Variants in PCDHGA10 observed in about 807,000 individuals in gnomAD.
PCDHGA10 encodes the protein protocadherin gamma-A10.
A neutral mutation model predicts 59.5 loss-of-function variants in PCDHGA10; 42 were observed. The observed-to-expected ratio is 0.71, with a 90% CI of 0.55 to 0.91. The LOEUF (loss-of-function observed/expected upper bound fraction) is 0.91. Among genes scored for constraint, PCDHGA10 ranks in the 40% least tolerant of loss-of-function variants. The probability of loss-of-function intolerance (pLI) is 0.00; values close to 1 mark genes in which losing one functional copy is unlikely to be tolerated. For missense variants in PCDHGA10, 1,111 were observed against 1,198.2 expected (o/e 0.93, Z 1.07); for synonymous variants, 511 against 517.2 (o/e 0.99, Z 0.16).
chr5:141,415,577 C>G lies in PCDHGA10; in HGVS notation c.2402C>G (p.Ser801Trp), dbSNP rs776744277. The G allele has an allele frequency of 2.5e-6, 4 of 1,613,744 alleles. No individual in the cohort carries two copies. The highest frequency in any genetic ancestry group is 2.2e-5 in the South Asian group (2 of 91,084). The change falls in exon 1 of 4, where the codon TCG becomes TGG. Residue 801 changes from serine to tryptophan, a missense_variant. Coordinates refer to ENST00000398610, the MANE Select transcript of PCDHGA10 (RefSeq NM_018913.3). ...KNDPLSLLDDSKFPIEDTPLV... is the reference protein window; with the variant it reads ...KNDPLSLLDDWKFPIEDTPLV... ...GATCCTTTGTCTTTGTTAGATGATT[C>G]GAAGTTTCCTATAGAGGATACCCCA...
chr5:141,456,800 TA>T (rs1038857337), intron 1 of PCDHGA10, among the ~76,000 whole-genome samples: 2 of 151,846 alleles, frequency 1.3e-5, no homozygotes, highest in African/African-American at 4.8e-5. Flanking sequence ...CCATCTCTAC[TA>T]AAAATACAAA....
intron 1 of PCDHGA10, chr5:141,433,201 CTTCT>C (rs759014851): frequency 3.9e-5 from 61 of 1,573,466 alleles, no homozygotes; most frequent in Admixed American, 1.2e-4. Flanking sequence ...TATATCAAAT[CTTCT>C]TTCTTTTTTT....
Position 141,485,294 on chromosome 5 carries a change from G to A in PCDHGA10, c.2437-9513G>A, listed in dbSNP as rs2099611126. Reference sequence around the variant, plus strand: ...CTACCCGGTCCCAGAGGAGTCACAGGAAGGGACTTTTGTAGGGAATGTCGC... The same window carrying A: ...CTACCCGGTCCCAGAGGAGTCACAGAAAGGGACTTTTGTAGGGAATGTCGC... On this transcript the variant is annotated intron_variant, in intron 1 of 3. Coordinates refer to ENST00000398610, the MANE Select transcript of PCDHGA10 (RefSeq NM_018913.3). The surrounding 1 kb of genome is among the most constrained non-coding windows in gnomAD (Gnocchi z 5.7). The A allele has an allele frequency of 6.2e-7, 1 of 1,614,044 alleles. No homozygotes were observed. Among genetic ancestry groups the A allele is most frequent in the Non-Finnish European group, 8.5e-7 (1 of 1,179,988 alleles).
In PCDHGA10 at chr5:141,485,433, A is replaced by G. The variant is rs2099613324; in HGVS notation, c.2437-9374A>G. On this transcript the variant is annotated intron_variant, in intron 1 of 3. Transcript: ENST00000398610. The surrounding 1 kb of genome is among the most constrained non-coding windows in gnomAD (Gnocchi z 5.7). The stretch of plus-strand genomic sequence containing the variant: ...TTGGACAGCGGAGCCCTGCTCATCA[A>G]GAACCCAATCGACCGAGAGGCACTG... 6 of 1,614,208 alleles carry G rather than the reference A, an allele frequency of 3.7e-6. No homozygotes were observed. Among genetic ancestry groups the G allele is most frequent in the Non-Finnish European group, 5.1e-6 (6 of 1,180,030 alleles).
intron 1 of PCDHGA10, among the ~76,000 whole-genome samples, chr5:141,474,143 TATC>T (rs1371874237): frequency 1.3e-5 from 2 of 152,188 alleles, no homozygotes; most frequent in Non-Finnish European, 2.9e-5. Context: ...CAGGCCTTAT[TATC>T]AAGAAAATGA....
Position 141,495,110 on chromosome 5 carries a change from T to C in PCDHGA10, c.2495+245T>C, listed in dbSNP as rs74534116. Among the ~76,000 whole-genome samples the C allele has an allele frequency of 3.9e-3, 595 of 152,212 alleles. 3 individuals carry two copies. The highest frequency in any genetic ancestry group is 0.013 in the African/African-American group (538 of 41,532). On this transcript the variant is annotated intron_variant, in intron 2 of 3. Coordinates refer to ENST00000398610, the MANE Select transcript of PCDHGA10 (RefSeq NM_018913.3). The stretch of plus-strand genomic sequence containing the variant: ...TTCCCTCCTCGCCACGACCGGCACC[T>C]TTTCCTATCCCCTGAGGGCACTGTG...
rs61612330 is a variant in PCDHGA10 at position 141,454,796 on chromosome 5, A to ATTTTTTTTTTTTTTTT, written c.2436+39199_2436+39214dup. Among the ~76,000 whole-genome samples the ATTTTTTTTTTTTTTTT allele has an allele frequency of 1.2e-3, 96 of 77,456 alleles. 8 individuals are homozygous for ATTTTTTTTTTTTTTTT. The highest frequency in any genetic ancestry group is 2.0e-3 in the South Asian group (4 of 1,960). 50.8% of individuals were successfully genotyped at this position (77,456 alleles called of 152,430 possible). A position where few individuals can be genotyped will look rare whatever the true frequency, so the allele number is the denominator to read the frequency against. ...AAGGAAATAATCCTCCATGGTTCTA[A>ATTTTTTTTTTTTTTTT]TTTTTTTTTTTTTTTTTTTTTTTTT... On this transcript the variant is annotated intron_variant, in intron 1 of 3. Coordinates refer to ENST00000398610, the MANE Select transcript of PCDHGA10 (RefSeq NM_018913.3).
rs149553852 is a variant in PCDHGA10 at position 141,415,009 on chromosome 5, C to G, written c.1834C>G (p.Leu612Val). 3.1e-6 allele frequency: 5 copies of G among 1,613,544 alleles called. No homozygotes were observed. The East Asian group carries it at 1.1e-4, about 36-fold the overall frequency. Residue 612 changes from leucine (L) to valine (V), a missense_variant, in exon 1 of 4, where the codon CTG becomes GTG. Leu to Val is a conservative substitution (Grantham distance 32, BLOSUM62 1). Transcript: ENST00000398610. ...SGQNAWLSYR[L>V]LKASEPGLFA... The stretch of plus-strand genomic sequence containing the variant: ...CCAGAACGCCTGGCTGTCCTACCGT[C>G]TGCTCAAGGCCAGCGAGCCGGGACT...
chr5:141,419,122 C>T (rs1418298635), intron 1 of PCDHGA10: 2 of 1,613,862 alleles, frequency 1.2e-6, no homozygotes, highest in African/African-American at 1.3e-5. Flanking sequence ...ACAACGTCAC[C>T]ATCGCAGCCA....
In PCDHGA10 at chr5:141,432,512, G is replaced by A. The variant is rs751785850; in HGVS notation, c.2436+16901G>A. ...GCTGGCTCCCCGCTCCGCAGAGCCC[G>A]GCTACCTGGTGACCAAGGTGGTGGC... On this transcript the variant is annotated intron_variant, in intron 1 of 3. Transcript: ENST00000398610. The surrounding 1 kb of genome is among the most constrained non-coding windows in gnomAD (Gnocchi z 6.0). 3 of 1,614,108 alleles carry A rather than the reference G, an allele frequency of 1.9e-6. No homozygotes were observed. Among genetic ancestry groups the A allele is most frequent in the Non-Finnish European group, 2.5e-6 (3 of 1,180,030 alleles).
intron 1 of PCDHGA10, chr5:141,422,103 A>C: frequency 6.2e-7 from 1 of 1,608,206 alleles, no homozygotes; most frequent in Admixed American, 1.7e-5. Context: ...CTTCTGAAAT[A>C]TTCCAATTGG....
chr5:141,459,084 A>T (rs2098960410), intron 1 of PCDHGA10, among the ~76,000 whole-genome samples: 2 of 152,204 alleles, frequency 1.3e-5, no homozygotes, highest in Non-Finnish European at 2.9e-5. Flanking sequence ...TGCCTTTTAA[A>T]ATTATACAGT....
At chr5:141,458,064 C>T (rs886724551) in intron 1 of PCDHGA10, among the ~76,000 whole-genome samples, 14 of 152,104 alleles carry the variant, frequency 9.2e-5, no homozygotes, top group East Asian at 3.9e-4. Context: ...TGCACTGATG[C>T]GAACAACTAT....
intron 1 of PCDHGA10, chr5:141,421,851 T>G: frequency 6.2e-7 from 1 of 1,613,714 alleles, no homozygotes; most frequent in East Asian, 2.2e-5. Context: ...AAGAGGCTGC[T>G]CACCTGCTCC....
chr5:141,491,817 G>T lies in PCDHGA10; in HGVS notation c.2437-2990G>T. On this transcript the variant is annotated intron_variant, in intron 1 of 3. Transcript: ENST00000398610. The surrounding 1 kb of genome is among the most constrained non-coding windows in gnomAD (Gnocchi z 6.9). ...TCTCCGGCCGGCTTGGTCGCTGGCT[G>T]CGCTCCACCCGATTCTCGGGATCAT... 1.3e-6 allele frequency: 2 copies of T among 1,484,188 alleles called. No homozygotes were observed. The highest frequency in any genetic ancestry group is 1.8e-6 in the Non-Finnish European group (2 of 1,117,664). 91.9% of individuals were successfully genotyped at this position (1,484,188 alleles called of 1,614,324 possible).
At chr5:141,510,334 C>G (rs1463634534) in intron 3 of PCDHGA10, among the ~76,000 whole-genome samples, 1 of 151,448 alleles carries the variant, frequency 6.6e-6, no homozygotes, top group African/African-American at 2.4e-5. Context: ...TCTTCACCCC[C>G]ACCCCACACA....
At chr5:141,483,084 CA>C (rs898059463) in intron 1 of PCDHGA10, among the ~76,000 whole-genome samples, 4 of 150,440 alleles carry the variant, frequency 2.7e-5, no homozygotes, top group Middle Eastern at 3.4e-3. Flanking sequence ...GACTCCATCT[CA>C]AAAAAAAAGT....
At chr5:141,427,249 G>A (rs1417336994) in intron 1 of PCDHGA10, 1 of 456,742 alleles carries the variant, frequency 2.2e-6, no homozygotes, top group African/African-American at 2.0e-5. Context: ...GCTAAGGATG[G>A]TGGAGGCATG....
intron 1 of PCDHGA10, chr5:141,422,717 T>A: frequency 6.2e-7 from 1 of 1,604,832 alleles, no homozygotes; most frequent in Non-Finnish European, 8.5e-7. Flanking sequence ...GATGACACTG[T>A]CCAGGGGGTG....
Sources: gnomAD v4.1 joint callset for allele counts (sites outside exome capture counted in the v4.1 genomes callset) on GRCh38, gnomAD v4.1.1 for gene constraint, Gnocchi (gnomAD v3.1) non-coding constraint, MANE v1.5 for transcripts, NCBI Gene and HGNC (gene_info 2026-07-23, HGNC 2026-07-21) for gene names.